Variants in B4GALT2 observed in about 807,000 individuals in gnomAD.
The protein encoded by B4GALT2 is beta-1,4-galactosyltransferase 2, also known as N-acetyllactosamine synthase.
B4GALT2 carries 18 observed loss-of-function variants against 33.2 expected under a neutral mutation model. The ratio of observed to expected loss-of-function variants is 0.54; its 90% CI spans 0.38 to 0.80. The LOEUF is 0.80. Ranked by LOEUF, B4GALT2 falls within the 30% of genes least tolerant of loss-of-function variation. B4GALT2 has a pLI of 0.00. For missense variants in B4GALT2, 404 were observed against 526.2 expected (o/e 0.77, Z 2.27); for synonymous variants, 214 against 217.6 (o/e 0.98, Z 0.15).
At chr1:43,987,278 A>G (rs1331764509) in intron 6 of B4GALT2, among the ~76,000 whole-genome samples, 3 of 151,214 alleles carry the variant, frequency 2.0e-5, no homozygotes, top group African/African-American at 7.4e-5. Flanking sequence ...GGCTTAAAGA[A>G]CTCTGTGAAT....
rs367550739 is a variant in B4GALT2, at chr1:43,990,735, C to T, written c.*287C>T. 8.8e-6 allele frequency: 4 copies of T among 454,640 alleles called. No individual in the cohort carries two copies. The East Asian group carries it at 1.3e-4, about 15-fold the overall frequency. The allele number at this position is 454,640 out of a possible 1,614,324, so 28.2% of individuals were successfully genotyped here. On this transcript the variant is annotated 3_prime_UTR_variant, in exon 7 of 7. Transcript: ENST00000372324. ...ACTGTCAGGGTCGGGCCAGCCCCTG[C>T]ACTGCCTCGCAGAGTGGCCTGGGCT... is the stretch of plus-strand genomic sequence containing the variant.
At chr1:43,989,669 C>T (rs570224369) in intron 6 of B4GALT2, among the ~76,000 whole-genome samples, 2 of 152,302 alleles carry the variant, frequency 1.3e-5, no homozygotes, top group Admixed American at 6.5e-5. Context: ...AAGACAAAAG[C>T]ACTCAAGTGC....
chr1:43,982,998 C>G lies in B4GALT2; in HGVS notation c.549+1074C>G, dbSNP rs1212158383. On this transcript the variant is annotated intron_variant, in intron 3 of 6. Coordinates refer to ENST00000372324, the MANE Select transcript of B4GALT2 (RefSeq NM_003780.5). The surrounding 1 kb of genome is among the most constrained non-coding windows in gnomAD (Gnocchi z 4.3). ...GTAGTGGAGAGTGAGAAAAGAGCGA[C>G]GTCAGGACAGCGCAAGGGTTTCCGC... Among the ~76,000 whole-genome samples, 1 of 152,092 alleles carries G rather than the reference C, an allele frequency of 6.6e-6. No individual in the cohort carries two copies. Among genetic ancestry groups the G allele is most frequent in the Non-Finnish European group, 1.5e-5 (1 of 68,028 alleles).
intron 4 of B4GALT2, 78 bp from the exon 5 acceptor site, chr1:43,985,200 T>C: frequency 6.4e-7 from 1 of 1,564,718 alleles, no homozygotes; most frequent in Non-Finnish European, 8.7e-7. Flanking sequence ...CATTGGACAT[T>C]CCCCCCGACC....
chr1:43,981,438 C>G lies in B4GALT2; in HGVS notation c.278C>G (p.Thr93Arg). The change falls in exon 2 of 7, where the codon ACG (threonine) becomes AGG (arginine). Residue 93 changes from threonine (T) to arginine (R), a missense_variant. By Grantham distance (71) the Thr-to-Arg change is moderately conservative. Transcript: ENST00000372324. This position sits in a 1 kb window ranked among gnomAD's most constrained non-coding sequence, Gnocchi z 8.1. ...PSALPGPTAP[T>R]LPPCPDSPPG... The stretch of plus-strand genomic sequence containing the variant: ...GCCCTGCCCGGTCCCACGGCTCCCA[C>G]GCTGCCACCCTGTCCTGACTCGCCA... 1 of 1,592,136 alleles carries G rather than the reference C, an allele frequency of 6.3e-7. No homozygotes were observed. Among genetic ancestry groups the G allele is most frequent in the Non-Finnish European group, 8.5e-7 (1 of 1,175,020 alleles).
rs1163649143 is a variant in B4GALT2, at chr1:43,985,563, G to A, written c.910G>A (p.Gly304Ser). 4 of 1,613,738 alleles carry A rather than the reference G, an allele frequency of 2.5e-6. No homozygotes were observed. The highest frequency in any genetic ancestry group is 2.5e-6 in the Non-Finnish European group (3 of 1,179,960). The change falls in exon 6 of 7, where the codon GGC becomes AGC. Residue 304 changes from glycine (G) to serine (S), a missense_variant. Coordinates refer to ENST00000372324, the MANE Select transcript of B4GALT2 (RefSeq NM_003780.5). ...GATCTCACGCCCAGACATCCGAATC[G>A]GCCGCTACCGCATGATCAAGCACGA... ...MKISRPDIRI[G>S]RYRMIKHDRD...
chr1:43,988,386 G>A (rs1334997830), intron 6 of B4GALT2, among the ~76,000 whole-genome samples: 1 of 150,066 alleles, frequency 6.7e-6, no homozygotes, highest in Non-Finnish European at 1.5e-5. Context: ...GACGGGGCAC[G>A]GTGGCTCATG....
chr1:43,981,543 C>T lies in B4GALT2; in HGVS notation c.313+70C>T, dbSNP rs1223945624. On this transcript the variant is annotated intron_variant, in intron 2 of 6. Transcript: ENST00000372324. The surrounding 1 kb of genome is among the most constrained non-coding windows in gnomAD (Gnocchi z 8.1). ...ATTGGTTTGACTAGAGAAATGGCAT[C>T]TGGACCCAGGGGTGTGCCAGGGGTC... 1 of 1,522,112 alleles carries T rather than the reference C, an allele frequency of 6.6e-7. No homozygotes were observed. Among genetic ancestry groups the T allele is most frequent in the Non-Finnish European group, 8.8e-7 (1 of 1,134,640 alleles). 94.3% of individuals were successfully genotyped at this position (1,522,112 alleles called of 1,614,324 possible).
intron 6 of B4GALT2, chr1:43,985,867 G>T: frequency 1.7e-6 from 1 of 575,664 alleles, no homozygotes; most frequent in South Asian, 2.0e-5. Flanking sequence ...CTGACCTCTG[G>T]CCTGATTCCT....
chr1:43,990,555 C>G lies in B4GALT2; in HGVS notation c.*107C>G, dbSNP rs913824703. ...GGACCTCCAGGACTGAGACTGGGCTCTGTTTTCCAAGGGTCTTCACTAGGC... is the reference window on the plus strand; with the variant it reads ...GGACCTCCAGGACTGAGACTGGGCTGTGTTTTCCAAGGGTCTTCACTAGGC... On this transcript the variant is annotated 3_prime_UTR_variant, in exon 7 of 7. Coordinates refer to ENST00000372324, the MANE Select transcript of B4GALT2 (RefSeq NM_003780.5). 1.0e-4 allele frequency: 154 copies of G among 1,484,822 alleles called. No individual in the cohort carries two copies. The highest frequency in any genetic ancestry group is 3.7e-5 in the Non-Finnish European group (40 of 1,087,550). 92.0% of individuals were successfully genotyped at this position (1,484,822 alleles called of 1,614,324 possible).
At chr1:43,980,727 A>C (rs1303328987) in intron 1 of B4GALT2, 3 of 396,952 alleles carry the variant, frequency 7.6e-6, no homozygotes, top group Non-Finnish European at 1.1e-5. Flanking sequence ...ATGGGGGTCT[A>C]TAGGTAAACA....
In B4GALT2 at chr1:43,991,152, T is replaced by A. The variant is rs2085730093; in HGVS notation, c.*704T>A. 6.0e-6 allele frequency: 1 copy of A among 167,112 alleles called. No homozygotes were observed. The highest frequency in any genetic ancestry group is 1.7e-4 in the South Asian group (1 of 6,024). 10.4% of individuals were successfully genotyped at this position (167,112 alleles called of 1,614,324 possible). ...ACAGAAACTTGTGTGGGTGCTTTAG[T>A]AAAAAACGTGAATGGAGCAGCTCCC... On this transcript the variant is annotated 3_prime_UTR_variant, in exon 7 of 7. Transcript: ENST00000372324.
At chr1:43,988,139 G>C (rs565425360) in intron 6 of B4GALT2, among the ~76,000 whole-genome samples, 1 of 152,250 alleles carries the variant, frequency 6.6e-6, no homozygotes, top group South Asian at 2.1e-4. Context: ...CAGAGAAAAT[G>C]GCACAGGCGT....
chr1:43,984,498 A>C lies in B4GALT2; in HGVS notation c.550-367A>C, dbSNP rs1270702351. Among the ~76,000 whole-genome samples the C allele has an allele frequency of 6.6e-6, 1 of 152,208 alleles. No homozygotes were observed. Among genetic ancestry groups the C allele is most frequent in the Non-Finnish European group, 1.5e-5 (1 of 68,022 alleles). On this transcript the variant is annotated intron_variant, in intron 3 of 6. Coordinates refer to ENST00000372324, the MANE Select transcript of B4GALT2 (RefSeq NM_003780.5). The surrounding 1 kb of genome is among the most constrained non-coding windows in gnomAD (Gnocchi z 5.6). Reference sequence around the variant, plus strand: ...AGGAAGCCCATGGGAAGGAAGGAATAAGCGTACTGGGGTGGGGAAGTGTGG... The same window carrying C: ...AGGAAGCCCATGGGAAGGAAGGAATCAGCGTACTGGGGTGGGGAAGTGTGG...
Position 43,981,631 on chromosome 1 carries a change from G to A in B4GALT2, c.314-58G>A, listed in dbSNP as rs2085597911. 1 of 1,557,368 alleles carries A rather than the reference G, an allele frequency of 6.4e-7. No individual in the cohort carries two copies. The highest frequency in any genetic ancestry group is 8.7e-7 in the Non-Finnish European group (1 of 1,147,122). ...AGCCCACCCCCAGGCTGAGGGTGGG[G>A]GCTGGTATCTGTGGATTCTGGCCAA... On this transcript the variant is annotated intron_variant, in intron 2 of 6. Coordinates refer to ENST00000372324, the MANE Select transcript of B4GALT2 (RefSeq NM_003780.5). The surrounding 1 kb of genome is among the most constrained non-coding windows in gnomAD (Gnocchi z 8.1).
rs375735099 is a variant in B4GALT2 at position 43,981,241 on chromosome 1, C to G, written c.81C>G (p.Ala27=). 3.7e-6 allele frequency: 6 copies of G among 1,606,298 alleles called. No homozygotes were observed. Among genetic ancestry groups the G allele is most frequent in the Non-Finnish European group, 2.5e-6 (3 of 1,179,900 alleles). Residue 27 remains alanine (A), a synonymous_variant, in exon 2 of 7, where the codon GCC becomes GCG. Coordinates refer to ENST00000372324, the MANE Select transcript of B4GALT2 (RefSeq NM_003780.5). The surrounding 1 kb of genome is among the most constrained non-coding windows in gnomAD (Gnocchi z 8.1). ...LLLCLLHFLV[A]VILYFDVYAQ... ...TCTGCCTGCTGCACTTCCTCGTGGC[C>G]GTCATCCTCTACTTTGACGTCTACG...
In B4GALT2 at chr1:43,985,335, G is replaced by A; in HGVS notation, c.798G>A (p.Leu266=). Residue 266 remains leucine, a synonymous_variant, in exon 5 of 7, where the codon CTG becomes CTA. Coordinates refer to ENST00000372324, the MANE Select transcript of B4GALT2 (RefSeq NM_003780.5). ...GVSGLSKAQF[L]RINGFPNEYW... ...CAGGCCTGAGTAAGGCTCAGTTTCT[G>A]AGAATCAATGGCTTCCCCAATGAGT... 6.2e-7 allele frequency: 1 copy of A among 1,611,680 alleles called. No individual in the cohort carries two copies.
In B4GALT2 at chr1:43,981,427, C is replaced by A; in HGVS notation, c.267C>A (p.Pro89=). The change falls in exon 2 of 7, where the codon CCC becomes CCA. Residue 89 remains proline (P), a synonymous_variant. Coordinates refer to ENST00000372324, the MANE Select transcript of B4GALT2 (RefSeq NM_003780.5). This position sits in a 1 kb window ranked among gnomAD's most constrained non-coding sequence, Gnocchi z 8.1. ...LPEVPSALPG[P]TAPTLPPCPD... ...AGGTCCCCAGTGCCCTGCCCGGTCC[C>A]ACGGCTCCCACGCTGCCACCCTGTC... The A allele has an allele frequency of 6.3e-7, 1 of 1,593,842 alleles. No homozygotes were observed. Among genetic ancestry groups the A allele is most frequent in the African/African-American group, 1.3e-5 (1 of 74,978 alleles).
chr1:43,988,356 CA>C (rs59935883), intron 6 of B4GALT2, among the ~76,000 whole-genome samples: 913 of 73,730 alleles, frequency 0.012, 4 homozygotes, highest in Non-Finnish European at 0.014. Context: ...ACCAAAAATA[CA>C]AAAAAAAAAA....
Sources: gnomAD v4.1 joint callset for allele counts (sites outside exome capture counted in the v4.1 genomes callset) on GRCh38, gnomAD v4.1.1 for gene constraint, Gnocchi (gnomAD v3.1) non-coding constraint, MANE v1.5 for transcripts, NCBI Gene and HGNC (gene_info 2026-07-23, HGNC 2026-07-21) for gene names.